CDH18: variants seen among roughly 807,000 people sequenced by gnomAD.
CDH18 encodes the protein cadherin 18.
Under a neutral mutation model 67.9 loss-of-function variants are expected in CDH18, and 31 were observed. The ratio of observed to expected loss-of-function variants is 0.46; its 90% CI spans 0.34 to 0.62. CDH18 has a LOEUF of 0.62. CDH18 is among the 20% of genes least tolerant of loss of function. The pLI is 0.01. For missense variants in CDH18, 890 were observed against 975.5 expected (o/e 0.91, Z 1.17); for synonymous variants, 362 against 347.2 (o/e 1.04, Z -0.48).
At chr5:20,348,543 C>T (rs1740894377) in intron 1 of CDH18, among the ~76,000 whole-genome samples, 1 of 152,026 alleles carries the variant, frequency 6.6e-6, no homozygotes, top group East Asian at 1.9e-4. Flanking sequence ...TAGGAAAAAA[C>T]CTGAGTGAAA....
intron 2 of CDH18, among the ~76,000 whole-genome samples, chr5:19,995,249 A>C (rs1008770289): frequency 6.6e-6 from 1 of 152,084 alleles, no homozygotes; most frequent in Non-Finnish European, 1.5e-5. Flanking sequence ...GAAACATATA[A>C]TAAACCATCA....
At chr5:20,102,160 A>G (rs1308116651) in intron 2 of CDH18, among the ~76,000 whole-genome samples, 3 of 152,194 alleles carry the variant, frequency 2.0e-5, no homozygotes, top group African/African-American at 7.2e-5. Context: ...TAAAAGGAAT[A>G]AATTAAACAT....
chr5:20,100,964 C>T (rs930936349), intron 2 of CDH18, among the ~76,000 whole-genome samples: 1 of 151,740 alleles, frequency 6.6e-6, no homozygotes, highest in Admixed American at 6.6e-5. Context: ...GAATTTTTTT[C>T]CTTTCTAAGA....
intron 5 of CDH18, among the ~76,000 whole-genome samples, chr5:19,612,844 AGTAGATG>A (rs1749213703): frequency 6.6e-6 from 1 of 152,186 alleles, no homozygotes; most frequent in Non-Finnish European, 1.5e-5. Context: ...CATTCCTTAA[AGTAGATG>A]GTCCCTCGGC....
At chr5:19,486,278 G>C (rs1179121538) in intron 11 of CDH18, among the ~76,000 whole-genome samples, 1 of 149,232 alleles carries the variant, frequency 6.7e-6, no homozygotes, top group African/African-American at 2.5e-5. Flanking sequence ...AAAGGAAGAA[G>C]AAATATATAT....
intron 5 of CDH18, among the ~76,000 whole-genome samples, chr5:19,617,620 C>T (rs1227588291): frequency 2.6e-5 from 4 of 152,164 alleles, no homozygotes; most frequent in Non-Finnish European, 4.4e-5. Context: ...GCAATGTTTA[C>T]TTCAAAAATT....
chr5:19,576,862 AT>A (rs1235920907), intron 7 of CDH18, among the ~76,000 whole-genome samples: 3 of 152,184 alleles, frequency 2.0e-5, no homozygotes, highest in Non-Finnish European at 4.4e-5. Context: ...GAATAAAAGG[AT>A]TTTAAAAAAT....
chr5:19,991,583 T>C (rs919447118), upstream of CDH18, among the ~76,000 whole-genome samples: 7 of 152,202 alleles, frequency 4.6e-5, no homozygotes, highest in Admixed American at 4.6e-4. Flanking sequence ...GCAAGAACTA[T>C]AGTTTGTGTA....
chr5:20,160,716 C>A (rs1751907166), intron 2 of CDH18, among the ~76,000 whole-genome samples: 1 of 152,010 alleles, frequency 6.6e-6, no homozygotes, highest in Non-Finnish European at 1.5e-5. Flanking sequence ...ATGTAATGAG[C>A]AAGGCTCTTT....
intron 4 of CDH18, among the ~76,000 whole-genome samples, chr5:19,724,040 T>C (rs1486598122): frequency 1.3e-5 from 2 of 152,120 alleles, no homozygotes; most frequent in Non-Finnish European, 2.9e-5. Flanking sequence ...TAAAAACTGA[T>C]GTTCACAGAA....
intron 4 of CDH18, among the ~76,000 whole-genome samples, chr5:19,726,998 T>C (rs1176335426): frequency 6.6e-6 from 1 of 152,198 alleles, no homozygotes; most frequent in African/African-American, 2.4e-5. Flanking sequence ...GCCATCATCA[T>C]GGAATCTTCT....
At chr5:19,992,999 GTAGAGCT>G (rs1800066185), upstream of CDH18, among the ~76,000 whole-genome samples, 1 of 152,250 alleles carries the variant, frequency 6.6e-6, no homozygotes, top group African/African-American at 2.4e-5. Flanking sequence ...ATAGATAGCT[GTAGAGCT>G]CCAACTCCAA....
At chr5:19,778,922 C>G (rs1271126422) in intron 3 of CDH18, among the ~76,000 whole-genome samples, 1 of 152,114 alleles carries the variant, frequency 6.6e-6, no homozygotes, top group African/African-American at 2.4e-5. Context: ...CCTCCTTGCA[C>G]TAGATCTGAT....
At chr5:20,132,041 C>T (rs372353910) in intron 2 of CDH18, among the ~76,000 whole-genome samples, 2 of 152,056 alleles carry the variant, frequency 1.3e-5, no homozygotes, top group Non-Finnish European at 2.9e-5. Context: ...GCAGGCACCA[C>T]CAAGCCCAGC....
intron 6 of CDH18, among the ~76,000 whole-genome samples, chr5:19,593,489 T>C (rs1745519555): frequency 6.6e-6 from 1 of 152,006 alleles, no homozygotes; most frequent in African/African-American, 2.4e-5. Flanking sequence ...GCTATTCAGG[T>C]CCTAGGCCCA....
intron 2 of CDH18, among the ~76,000 whole-genome samples, chr5:19,943,498 T>G (rs1795021621): frequency 6.6e-6 from 1 of 152,158 alleles, no homozygotes; most frequent in African/African-American, 2.4e-5. Context: ...AGCTCTAAAC[T>G]GAGATGTGAT....
At chr5:20,173,624 G>T (rs1737013765) in intron 2 of CDH18, among the ~76,000 whole-genome samples, 1 of 152,086 alleles carries the variant, frequency 6.6e-6, no homozygotes, top group Non-Finnish European at 1.5e-5. Flanking sequence ...TCACTGACTA[G>T]AGTATGTAGA....
chr5:20,093,750 T>C (rs920351234), intron 2 of CDH18, among the ~76,000 whole-genome samples: 1 of 152,186 alleles, frequency 6.6e-6, no homozygotes, highest in Non-Finnish European at 1.5e-5. Context: ...ATTTCTTTTC[T>C]GGGCCCTTGC....
At chr5:19,680,009 C>T (rs1760050078) in intron 5 of CDH18, among the ~76,000 whole-genome samples, 1 of 151,804 alleles carries the variant, frequency 6.6e-6, no homozygotes, top group Admixed American at 6.6e-5. Context: ...AGAGCAAAGC[C>T]AGAGGTATCC....
Sources: allele counts gnomAD v4.1 joint callset (sites outside exome capture counted in the v4.1 genomes callset), GRCh38; gene constraint gnomAD v4.1.1; transcripts MANE v1.5; gene names NCBI Gene and HGNC (gene_info 2026-07-23, HGNC 2026-07-21).